CTNNA3: variants seen among roughly 807,000 people sequenced by gnomAD.
CTNNA3 encodes catenin alpha 3.
CTNNA3 carries 76 observed loss-of-function variants against 95.7 expected under a neutral mutation model. The observed-to-expected ratio is 0.79, with a 90% CI of 0.66 to 0.96. CTNNA3 has a LOEUF of 0.96. CTNNA3 is among the 40% of genes least tolerant of loss of function. CTNNA3 has a pLI of 0.00. For missense variants in CTNNA3, 1,191 were observed against 1,089.8 expected (o/e 1.09, Z -1.31); for synonymous variants, 431 against 374.4 (o/e 1.15, Z -1.74).
intron 15 of CTNNA3, among the ~76,000 whole-genome samples, chr10:65,999,248 A>C (rs10996819): frequency 0.029 from 4,487 of 152,274 alleles, 90 homozygotes; most frequent in Middle Eastern, 0.092. Context: ...AAGCTGTCTA[A>C]GCTCCTGAAA....
intron 13 of CTNNA3, among the ~76,000 whole-genome samples, chr10:66,107,883 C>A (rs1189335133): frequency 6.6e-6 from 1 of 151,964 alleles, no homozygotes; most frequent in African/African-American, 2.4e-5. Context: ...AAGAGTCATG[C>A]TTGGCTTCTT....
At position 67,036,965 on chromosome 10, in the gene CTNNA3, A is replaced by G. The variant is rs147316763; in HGVS notation, c.1047+143352T>C. On this transcript the variant is annotated intron_variant, in intron 7 of 17. Transcript: ENST00000433211. ...GGAAATGATACTTGGTTGACAACCC[A>G]AAGGGAGTGACTCATTCATCTATTT... Among the ~76,000 whole-genome samples, 427 of 152,310 alleles carry G rather than the reference A, an allele frequency of 2.8e-3. 1 individual carries two copies. The highest frequency in any genetic ancestry group is 9.6e-3 in the African/African-American group (398 of 41,578).
At chr10:66,924,951 G>T (rs1465118190) in intron 7 of CTNNA3, among the ~76,000 whole-genome samples, 6 of 152,090 alleles carry the variant, frequency 3.9e-5, no homozygotes. Context: ...ACTAAACTAC[G>T]CTGCCTTAGT....
intron 15 of CTNNA3, among the ~76,000 whole-genome samples, chr10:66,063,193 T>C (rs2080238991): frequency 2.0e-5 from 2 of 98,600 alleles, no homozygotes; most frequent in South Asian, 8.2e-4. Flanking sequence ...ACTGGATACA[T>C]GTATATATAT....
intron 9 of CTNNA3, among the ~76,000 whole-genome samples, chr10:66,753,992 AAGATTTC>A (rs1839269004): frequency 6.6e-6 from 1 of 152,176 alleles, no homozygotes; most frequent in African/African-American, 2.4e-5. Flanking sequence ...AATCCCTATC[AAGATTTC>A]AGATTGTCAT....
At chr10:66,230,344 T>C (rs999708571) in intron 13 of CTNNA3, among the ~76,000 whole-genome samples, 4 of 152,174 alleles carry the variant, frequency 2.6e-5, no homozygotes, top group South Asian at 2.1e-4. Flanking sequence ...ATAGTTTTAA[T>C]AGGGAAAGAC....
intron 5 of CTNNA3, among the ~76,000 whole-genome samples, chr10:67,378,421 A>T (rs760947358): frequency 1.3e-5 from 2 of 152,132 alleles, no homozygotes; most frequent in Admixed American, 6.5e-5. Context: ...TGTGTAGAAC[A>T]CTATTAACAA....
At position 66,723,380 on chromosome 10, in the gene CTNNA3, G is replaced by GCTTAC. The variant is rs199954095; in HGVS notation, c.1281+42883_1281+42884insGTAAG. Among the ~76,000 whole-genome samples the GCTTAC allele has an allele frequency of 4.9e-3, 744 of 152,052 alleles. 1 individual carries two copies. The highest frequency in any genetic ancestry group is 0.017 in the African/African-American group (707 of 41,488). ...TTTTCTAAATCCTACAATCCTCTAC[G>GCTTAC]AATGGAAGCAATAGCACTACAGTTA... On this transcript the variant is annotated intron_variant, in intron 9 of 17. Transcript: ENST00000433211.
intron 10 of CTNNA3, among the ~76,000 whole-genome samples, chr10:66,527,943 C>T (rs67774957): frequency 0.044 from 6,651 of 151,850 alleles, 434 homozygotes; most frequent in East Asian, 0.31. Context: ...TTTTTTTATT[C>T]GTTTAAAGTT....
At chr10:66,211,372 C>A (rs1296371599) in intron 13 of CTNNA3, among the ~76,000 whole-genome samples, 1 of 152,132 alleles carries the variant, frequency 6.6e-6, no homozygotes, top group Admixed American at 6.5e-5. Flanking sequence ...TGGGCAGCAT[C>A]CTTGAAGCAA....
intron 7 of CTNNA3, among the ~76,000 whole-genome samples, chr10:66,971,298 A>T (rs113552695): frequency 2.0e-5 from 3 of 151,804 alleles, no homozygotes; most frequent in South Asian, 4.2e-4. Flanking sequence ...TGGTTGTGTG[A>T]GCCTGTAATT....
chr10:66,365,217 G>A (rs556557942), intron 12 of CTNNA3, among the ~76,000 whole-genome samples: 65 of 152,258 alleles, frequency 4.3e-4, no homozygotes, highest in Middle Eastern at 3.4e-3. Context: ...AAAAAAGGAT[G>A]AGTTCATGTC....
At chr10:65,978,134 T>A (rs1457782925) in intron 16 of CTNNA3, among the ~76,000 whole-genome samples, 1 of 152,038 alleles carries the variant, frequency 6.6e-6, no homozygotes, top group Non-Finnish European at 1.5e-5. Flanking sequence ...TATAATCCCA[T>A]GTCTCCTTTT....
At chr10:67,444,701 A>AT (rs1554837685) in intron 5 of CTNNA3, among the ~76,000 whole-genome samples, 1 of 64,106 alleles carries the variant, frequency 1.6e-5, no homozygotes, top group Non-Finnish European at 6.2e-5. Context: ...AAAATCAGAG[A>AT]TTAAAAAAGA....
intron 10 of CTNNA3, among the ~76,000 whole-genome samples, chr10:66,561,828 T>G (rs1842562006): frequency 1.3e-5 from 2 of 152,080 alleles, no homozygotes; most frequent in Non-Finnish European, 2.9e-5. Flanking sequence ...CATTTTTTTG[T>G]TGTTTGCATG....
At chr10:66,353,866 G>C (rs2092586114) in intron 12 of CTNNA3, among the ~76,000 whole-genome samples, 1 of 148,640 alleles carries the variant, frequency 6.7e-6, no homozygotes, top group South Asian at 2.1e-4. Flanking sequence ...TTTTTGTTTT[G>C]TTTCACTATG....
At chr10:67,622,621 C>T (rs1335277984) in intron 2 of CTNNA3, among the ~76,000 whole-genome samples, 1 of 152,222 alleles carries the variant, frequency 6.6e-6, no homozygotes, top group African/African-American at 2.4e-5. Context: ...GCCATGCACG[C>T]TCCCACTGGA....
chr10:66,492,285 C>A (rs1405558765), intron 11 of CTNNA3, among the ~76,000 whole-genome samples: 1 of 151,876 alleles, frequency 6.6e-6, no homozygotes, highest in Non-Finnish European at 1.5e-5. Context: ...CTTCTTTATG[C>A]TTTTTGTTTT....
At chr10:65,936,629 A>C (rs527506954) in intron 17 of CTNNA3, among the ~76,000 whole-genome samples, 1 of 152,198 alleles carries the variant, frequency 6.6e-6, no homozygotes, top group South Asian at 2.1e-4. Flanking sequence ...AGGATCTCAA[A>C]TGCAAGCCAA....
Sources: gnomAD v4.1 joint callset for allele counts (sites outside exome capture counted in the v4.1 genomes callset) on GRCh38, gnomAD v4.1.1 for gene constraint, MANE v1.5 for transcripts, NCBI Gene and HGNC (gene_info 2026-07-23, HGNC 2026-07-21) for gene names.